PREX1: variants seen among roughly 807,000 people sequenced by gnomAD.
PREX1 encodes the protein phosphatidylinositol-3,4,5-trisphosphate dependent Rac exchange factor 1, also known as phosphatidylinositol 3,4,5-trisphosphate-dependent Rac exchanger 1 protein.
In PREX1, 41 loss-of-function variants were observed where a neutral mutation model predicts 198.3. That is an observed-to-expected ratio of 0.21 (90% CI 0.16 to 0.27). The LOEUF is 0.27. PREX1 is among the 10% of genes least tolerant of loss of function. The pLI is 1.00. For synonymous variants in PREX1, 843 were observed against 887.2 expected, an observed-to-expected ratio of 0.95 and a Z score of 0.89; for missense variants, 1,620 against 2,200.7, an observed-to-expected ratio of 0.74 and a Z score of 5.28.
chr20:48,825,526 T>C (rs1253487004), intron 1 of PREX1, among the ~76,000 whole-genome samples: 2 of 152,104 alleles, frequency 1.3e-5, no homozygotes, highest in Admixed American at 6.5e-5. Flanking sequence ...ATAATAAGAA[T>C]GGTTGGCTCC....
intron 27 of PREX1, 76 bp from the exon 28 acceptor site, chr20:48,642,565 G>T: frequency 7.6e-7 from 1 of 1,314,200 alleles, no homozygotes; most frequent in South Asian, 1.4e-5. Flanking sequence ...TTCCTAAGAG[G>T]GGGATACAGC....
At chr20:48,629,402 C>T in intron 37 of PREX1, 47 bp downstream of exon 37, 1 of 1,594,462 alleles carries the variant, frequency 6.3e-7, no homozygotes. Context: ...TGACCAGAAG[C>T]TAGGCCAGCC....
intron 12 of PREX1, 91 bp downstream of exon 12, chr20:48,679,560 G>A: frequency 7.0e-7 from 1 of 1,422,332 alleles, no homozygotes; most frequent in Non-Finnish European, 9.9e-7. Context: ...AGGCAAACAA[G>A]CCAAGGGGCA....
chr20:48,632,781 T>C (rs2089325942), intron 33 of PREX1, 142 bp from the exon 34 acceptor site: 1 of 859,366 alleles, frequency 1.2e-6, no homozygotes, highest in East Asian at 2.7e-5. Context: ...CTCCCGACTC[T>C]ACAGGGGTAG....
intron 1 of PREX1, among the ~76,000 whole-genome samples, chr20:48,819,200 C>A (rs770865993): frequency 1.3e-5 from 2 of 152,194 alleles, no homozygotes; most frequent in Non-Finnish European, 2.9e-5. Flanking sequence ...AAAACCCAAA[C>A]TGCTCACCAT....
intron 1 of PREX1, among the ~76,000 whole-genome samples, chr20:48,794,090 G>T (rs1163556591): frequency 6.6e-6 from 1 of 152,158 alleles, no homozygotes; most frequent in East Asian, 1.9e-4. Flanking sequence ...AGAGTGGGAG[G>T]ACCCCCTTAT....
chr20:48,652,745 G>A, intron 20 of PREX1, 39 bp from the exon 21 acceptor site: 1 of 1,592,752 alleles, frequency 6.3e-7, no homozygotes, highest in Non-Finnish European at 8.6e-7. Flanking sequence ...CATGGTGCCG[G>A]CAGGTAGGGA....
chr20:48,671,986 G>T (rs2089678340), intron 14 of PREX1, among the ~76,000 whole-genome samples: 1 of 152,202 alleles, frequency 6.6e-6, no homozygotes, highest in Non-Finnish European at 1.5e-5. Flanking sequence ...GCCTGGGGTT[G>T]GGGGGCTCAG....
intron 1 of PREX1, among the ~76,000 whole-genome samples, chr20:48,749,027 G>T (rs1006076142): frequency 6.6e-6 from 1 of 152,150 alleles, no homozygotes; most frequent in African/African-American, 2.4e-5. Context: ...GGTGGTGTGG[G>T]TAGAAAAGTG....
the PREX1 span, among the ~76,000 whole-genome samples, chr20:48,877,026 T>G: frequency 6.6e-6 from 1 of 152,072 alleles, no homozygotes; most frequent in South Asian, 2.1e-4. Context: ...TCCCAACACT[T>G]TGGGAGGCTG....
At chr20:48,885,577 G>A in the PREX1 span, among the ~76,000 whole-genome samples, 25 of 152,258 alleles carry the variant, frequency 1.6e-4, no homozygotes, top group East Asian at 3.9e-3. Flanking sequence ...AATTGAAAAC[G>A]TATTTCCACA....
At position 48,773,195 on chromosome 20, in the gene PREX1, A is replaced by G. The variant is rs569050281; in HGVS notation, c.220-25315T>C. On this transcript the variant is annotated intron_variant, in intron 1 of 39. Coordinates refer to ENST00000371941, the MANE Select transcript of PREX1 (RefSeq NM_020820.4). Reference sequence around the variant, plus strand: ...GGCAGGAGAATCACTTGAACCTAGGAGGCAAAGGTTGTAGTGAGCCGAGAT... The same window carrying G: ...GGCAGGAGAATCACTTGAACCTAGGGGGCAAAGGTTGTAGTGAGCCGAGAT... Among the ~76,000 whole-genome samples, 39 of 139,518 alleles carry G rather than the reference A, an allele frequency of 2.8e-4. No homozygotes were observed. In the South Asian group the frequency reaches 9.3e-3, roughly 33 times the overall value. 91.5% of individuals were successfully genotyped at this position (139,518 alleles called of 152,430 possible). A position where few individuals can be genotyped will look rare whatever the true frequency, so the allele number is the denominator to read the frequency against.
In PREX1 at chr20:48,652,642, G is replaced by A; in HGVS notation, c.2411C>T (p.Ala804Val). The change falls in exon 21 of 40, where the codon GCC becomes GTC. Residue 804 changes from alanine (A) to valine (V), a missense_variant. Transcript: ENST00000371941. ...DAQEARASQE[A>V]STEDPSGEQA... The stretch of plus-strand genomic sequence containing the variant: ...CTCGCCACTGGGGTCCTCAGTGGAG[G>A]CCTCCTGACTGGCTCGTGCTTCCTG... 6.2e-7 allele frequency: 1 copy of A among 1,613,724 alleles called. No individual in the cohort carries two copies. Among genetic ancestry groups the A allele is most frequent in the Non-Finnish European group, 8.5e-7 (1 of 1,179,790 alleles).
chr20:48,677,486 A>G (rs2089717821), intron 13 of PREX1, among the ~76,000 whole-genome samples: 1 of 152,246 alleles, frequency 6.6e-6, no homozygotes, highest in Non-Finnish European at 1.5e-5. Flanking sequence ...TCTGGCGTTC[A>G]TTATACAATG....
At chr20:48,655,112 C>T (rs1207597779) in intron 19 of PREX1, among the ~76,000 whole-genome samples, 178 bp downstream of exon 19, 1 of 152,192 alleles carries the variant, frequency 6.6e-6, no homozygotes, top group African/African-American at 2.4e-5. Flanking sequence ...CCACTTGTAG[C>T]CTGCCTGACC....
chr20:48,880,815 T>C, the PREX1 span, among the ~76,000 whole-genome samples: 1 of 151,210 alleles, frequency 6.6e-6, no homozygotes, highest in Non-Finnish European at 1.5e-5. Context: ...GGTAAGAAAA[T>C]GAAATAAAGC....
the PREX1 span, among the ~76,000 whole-genome samples, chr20:48,849,817 T>TG: frequency 2.0e-5 from 3 of 151,238 alleles, no homozygotes; most frequent in African/African-American, 7.3e-5. Context: ...TGGTGGGGAG[T>TG]GGGGGGGAAT....
intron 1 of PREX1, among the ~76,000 whole-genome samples, chr20:48,762,620 A>T (rs368286214): frequency 6.6e-6 from 1 of 151,988 alleles, no homozygotes; most frequent in African/African-American, 2.4e-5. Flanking sequence ...GTGACCCTAA[A>T]CAGCCTCTCT....
intron 7 of PREX1, 130 bp downstream of exon 7, chr20:48,700,623 G>A: frequency 8.1e-7 from 1 of 1,235,280 alleles, no homozygotes; most frequent in Non-Finnish European, 1.1e-6. Flanking sequence ...ATTCCTACTA[G>A]ACAGCACTGA....
Sources: allele counts gnomAD v4.1 joint callset (sites outside exome capture counted in the v4.1 genomes callset), GRCh38; gene constraint gnomAD v4.1.1; transcripts MANE v1.5; gene names NCBI Gene and HGNC (gene_info 2026-07-23, HGNC 2026-07-21).